MCHR2: variants seen among roughly 807,000 people sequenced by gnomAD.
MCHR2 encodes the protein melanin-concentrating hormone receptor 2.
MCHR2 carries 15 observed loss-of-function variants against 24.8 expected under a neutral mutation model. The observed-to-expected ratio is 0.60, with a 90% confidence interval of 0.40 to 0.93. MCHR2 has a LOEUF of 0.93. Among genes scored for constraint, MCHR2 ranks in the 40% least tolerant of loss-of-function variants. The pLI is 0.00. For missense variants in MCHR2, 386 were observed against 408.7 expected, an observed-to-expected ratio of 0.94 and a Z score of 0.48; for synonymous variants, 151 against 147.6, an observed-to-expected ratio of 1.02 and a Z score of -0.17.
At chr6:99,963,894 C>T (rs889386069) in intron 1 of MCHR2, among the ~76,000 whole-genome samples, 1 of 151,972 alleles carries the variant, frequency 6.6e-6, no homozygotes, top group African/African-American at 2.4e-5. Flanking sequence ...CAACAAAAGG[C>T]TCTTGTTCAA....
intron 4 of MCHR2, among the ~76,000 whole-genome samples, chr6:99,940,816 C>A (rs972179390): frequency 1.3e-5 from 2 of 152,042 alleles, no homozygotes; most frequent in African/African-American, 2.4e-5. Flanking sequence ...CACTGGCTGT[C>A]CTGAATGGGG....
intron 1 of MCHR2, among the ~76,000 whole-genome samples, chr6:99,966,603 C>T (rs913766048): frequency 7.2e-5 from 11 of 152,096 alleles, no homozygotes; most frequent in African/African-American, 1.9e-4. Context: ...GGTACTTCAC[C>T]GGTTCAGCAA....
At chr6:99,989,356 A>G (rs551252215) in intron 1 of MCHR2, among the ~76,000 whole-genome samples, 1 of 152,228 alleles carries the variant, frequency 6.6e-6, no homozygotes, top group Non-Finnish European at 1.5e-5. Flanking sequence ...AATGTTTGTA[A>G]TGTGCCAGAT....
At chr6:99,989,058 A>G (rs1775819111) in intron 1 of MCHR2, among the ~76,000 whole-genome samples, 1 of 152,206 alleles carries the variant, frequency 6.6e-6, no homozygotes, top group Non-Finnish European at 1.5e-5. Context: ...CTATGAGAAA[A>G]ATAAATATTA....
chr6:99,934,111 ATAACT>A (rs1774601015), intron 5 of MCHR2, among the ~76,000 whole-genome samples: 1 of 152,274 alleles, frequency 6.6e-6, no homozygotes, highest in African/African-American at 2.4e-5. Flanking sequence ...AAACAGTTAA[ATAACT>A]TAATAACAAA....
In MCHR2 at chr6:99,920,996, T is replaced by C; in HGVS notation, c.967A>G (p.Arg323Gly). 2 of 1,614,260 alleles carry C rather than the reference T, an allele frequency of 1.2e-6. No homozygotes were observed. Among genetic ancestry groups the C allele is most frequent in the South Asian group, 2.2e-5 (2 of 91,084 alleles). Residue 323 changes from arginine (R) to glycine (G), a missense_variant, in exon 6 of 6, where the codon AGA (arginine) becomes GGA (glycine). Physicochemically the swap from Arg to Gly is moderately radical, Grantham distance 125. Coordinates refer to ENST00000281806, the MANE Select transcript of MCHR2 (RefSeq NM_001040179.2). ...TTGTTGATTTCCTTCTCAGTCGCTC[T>C]TCTTTGGATTTGAGGCAGACGTTTC... ...FQKRLPQIQR[R>G]ATEKEINNMG...
intron 1 of MCHR2, among the ~76,000 whole-genome samples, chr6:99,986,435 A>T (rs541238175): frequency 1.3e-5 from 2 of 152,312 alleles, no homozygotes; most frequent in East Asian, 3.9e-4. Flanking sequence ...CCATCAACTG[A>T]TGAGCAGATA....
chr6:99,973,307 C>T (rs1358249062), intron 1 of MCHR2, among the ~76,000 whole-genome samples: 1 of 151,816 alleles, frequency 6.6e-6, no homozygotes, highest in African/African-American at 2.4e-5. Context: ...GATCCCTTTA[C>T]CATTATGTAA....
rs184125973 is a variant in MCHR2 at position 99,973,920 on chromosome 6, G to A, written c.-27-17746C>T. Among the ~76,000 whole-genome samples the A allele has an allele frequency of 4.9e-3, 750 of 152,254 alleles. 9 individuals are homozygous for A. The highest frequency in any genetic ancestry group is 0.017 in the African/African-American group (724 of 41,554). The stretch of plus-strand genomic sequence containing the variant: ...TCTTCTGGCTTGTAGAGTTTCTGTC[G>A]AGAGATCCACTGTTAATCTGATGGG... On this transcript the variant is annotated intron_variant, in intron 1 of 5. Coordinates refer to ENST00000281806, the MANE Select transcript of MCHR2 (RefSeq NM_001040179.2).
rs1562114076 is a variant in MCHR2 at position 99,918,753 on chromosome 6, T to C, written c.*2187A>G. 6.6e-6 allele frequency among the ~76,000 whole-genome samples: 1 copy of C among 152,202 alleles called. No individual in the cohort carries two copies. Among genetic ancestry groups the C allele is most frequent in the Non-Finnish European group, 1.5e-5 (1 of 68,030 alleles). ...ATCTGCATATAAATATGCTTATGCATAGAAACGCTATATAAAGGGACAAAA... is the reference window on the plus strand; with the variant it reads ...ATCTGCATATAAATATGCTTATGCACAGAAACGCTATATAAAGGGACAAAA... On this transcript the variant is annotated 3_prime_UTR_variant, in exon 6 of 6. Transcript: ENST00000281806.
intron 2 of MCHR2, among the ~76,000 whole-genome samples, chr6:99,954,694 A>C (rs1396870500): frequency 6.6e-6 from 1 of 152,228 alleles, no homozygotes; most frequent in East Asian, 1.9e-4. Context: ...TTGTGTGAAT[A>C]AGTTTAAGAA....
At chr6:99,936,302 T>C (rs962507550) in intron 4 of MCHR2, among the ~76,000 whole-genome samples, 23 of 151,908 alleles carry the variant, frequency 1.5e-4, no homozygotes, top group African/African-American at 5.6e-4. Context: ...CATTTCCCTA[T>C]GTTTTCTTCT....
At chr6:99,921,658 G>A (rs1459619806) in intron 5 of MCHR2, among the ~76,000 whole-genome samples, 1 of 152,108 alleles carries the variant, frequency 6.6e-6, no homozygotes, top group African/African-American at 2.4e-5. Context: ...ATTTTTAAAA[G>A]TACAATTATT....
chr6:99,992,280 G>C (rs1258589942), intron 1 of MCHR2, among the ~76,000 whole-genome samples: 5 of 152,212 alleles, frequency 3.3e-5, no homozygotes, highest in Non-Finnish European at 7.3e-5. Flanking sequence ...TCCTGTGAAG[G>C]GGGAGGCTCC....
chr6:99,963,689 T>C (rs993191079), intron 1 of MCHR2, among the ~76,000 whole-genome samples: 2 of 152,134 alleles, frequency 1.3e-5, no homozygotes, highest in Admixed American at 1.3e-4. Flanking sequence ...AAGAAATGCA[T>C]GTAGAAGACA....
intron 1 of MCHR2, among the ~76,000 whole-genome samples, chr6:99,981,661 G>A (rs1305345766): frequency 1.3e-5 from 2 of 152,144 alleles, no homozygotes; most frequent in African/African-American, 2.4e-5. Flanking sequence ...CCTGGCACAC[G>A]GCAACTAGGA....
intron 1 of MCHR2, among the ~76,000 whole-genome samples, chr6:99,982,467 G>GA (rs1196029682): frequency 0.055 from 2,566 of 46,626 alleles, 493 homozygotes; most frequent in African/African-American, 0.14. Context: ...TGTCTGTACA[G>GA]AAAAAAAAAA....
chr6:99,941,620 G>A (rs750947114), intron 4 of MCHR2, among the ~76,000 whole-genome samples: 2 of 152,138 alleles, frequency 1.3e-5, no homozygotes, highest in African/African-American at 2.4e-5. Context: ...ACACAAGAGA[G>A]CTTGCTTCCT....
intron 1 of MCHR2, among the ~76,000 whole-genome samples, chr6:99,981,760 C>T (rs1176920331): frequency 6.6e-6 from 1 of 152,162 alleles, no homozygotes; most frequent in Non-Finnish European, 1.5e-5. Context: ...TCTTTCCCTC[C>T]TTGTTGATGT....
Sources: allele counts gnomAD v4.1 joint callset (sites outside exome capture counted in the v4.1 genomes callset), GRCh38; gene constraint gnomAD v4.1.1; transcripts MANE v1.5; gene names NCBI Gene and HGNC (gene_info 2026-07-23, HGNC 2026-07-21).